Variants in LCA5L observed in about 807,000 individuals in gnomAD.
LCA5L encodes the protein lebercilin LCA5 like, also known as lebercilin-like protein.
In LCA5L, 35 loss-of-function variants were observed where a neutral mutation model predicts 45.4. The observed-to-expected ratio is 0.77, with a 90% CI of 0.59 to 1.02. The LOEUF (loss-of-function observed/expected upper bound fraction) is 1.02, where lower values mean the gene tolerates loss of function less well. Among genes scored for constraint, LCA5L ranks in the 50% least tolerant of loss-of-function variants. LCA5L has a pLI of 0.00. For missense variants in LCA5L, 668 were observed against 761.6 expected (o/e 0.88, Z 1.45); for synonymous variants, 233 against 264.7 (o/e 0.88, Z 1.16).
intron 5 of LCA5L, among the ~76,000 whole-genome samples, chr21:39,424,847 A>G (rs947198904): frequency 5.3e-5 from 8 of 152,214 alleles, no homozygotes; most frequent in Non-Finnish European, 1.2e-4. Flanking sequence ...GTTAGCACCA[A>G]ACTTACCTAA....
At chr21:39,422,923 C>T in intron 6 of LCA5L, 53 bp downstream of exon 6, 1 of 1,533,310 alleles carries the variant, frequency 6.5e-7, no homozygotes, top group East Asian at 2.3e-5. Flanking sequence ...AATTCACACC[C>T]TCTCTCTATT....
In LCA5L at chr21:39,428,509, AAAAG is replaced by A; in HGVS notation, c.-10-10_-10-7del. On this transcript the variant is annotated splice_polypyrimidine_tract_variant and splice_region_variant and intron_variant, in intron 4 of 10. Transcript: ENST00000288350. ...CCAAAGACATAGCAAACAACCTAAT[AAAAG>A]AAAAGTAAAACCTAATAAAAGTATT... The A allele has an allele frequency of 1.4e-6, 2 of 1,465,668 alleles. No homozygotes were observed. The highest frequency in any genetic ancestry group is 1.8e-6 in the Non-Finnish European group (2 of 1,101,508). 90.8% of individuals were successfully genotyped at this position (1,465,668 alleles called of 1,614,324 possible). A position where few individuals can be genotyped will look rare whatever the true frequency, so the allele number is the denominator to read the frequency against.
intron 2 of LCA5L, among the ~76,000 whole-genome samples, chr21:39,441,019 T>C (rs901963396): frequency 5.9e-5 from 9 of 152,250 alleles, no homozygotes; most frequent in Middle Eastern, 3.4e-3. Context: ...ACTCTAAACA[T>C]TGACAAAGGG....
chr21:39,428,054 C>T (rs2075071603), intron 5 of LCA5L, 118 bp downstream of exon 5: 1 of 661,550 alleles, frequency 1.5e-6, no homozygotes, highest in East Asian at 2.6e-5. Context: ...ACCTATAATA[C>T]ACATTTACAA....
At chr21:39,427,955 C>A in intron 5 of LCA5L, 1 of 375,088 alleles carries the variant, frequency 2.7e-6, no homozygotes, top group South Asian at 4.1e-5. Context: ...GTAAGCCATG[C>A]AGGGGGCTAG....
chr21:39,414,448 G>A (rs964609170), intron 7 of LCA5L, among the ~76,000 whole-genome samples: 1 of 152,080 alleles, frequency 6.6e-6, no homozygotes, highest in Non-Finnish European at 1.5e-5. Flanking sequence ...GTAAAGAAAC[G>A]AACTTTTGAC....
At chr21:39,406,996 G>T (rs1289102375) in intron 10 of LCA5L, among the ~76,000 whole-genome samples, 1 of 152,184 alleles carries the variant, frequency 6.6e-6, no homozygotes, top group Non-Finnish European at 1.5e-5. Flanking sequence ...GGAGGCTGAG[G>T]CAGGAGGACT....
intron 8 of LCA5L, chr21:39,410,983 A>AT (rs2040000520): frequency 2.1e-6 from 1 of 468,088 alleles, no homozygotes; most frequent in Non-Finnish European, 4.4e-6. Flanking sequence ...TTGCTGGGAG[A>AT]TTTTGGGGGG....
chr21:39,417,029 G>T (rs1191964652), intron 7 of LCA5L, among the ~76,000 whole-genome samples: 1 of 151,140 alleles, frequency 6.6e-6, no homozygotes, highest in African/African-American at 2.5e-5. Context: ...GATATTTAGG[G>T]ATAGCTTTTT....
At chr21:39,428,654 C>T (rs2147951409) in intron 4 of LCA5L, 151 bp from the exon 5 acceptor site, 1 of 115,778 alleles carries the variant, frequency 8.6e-6, no homozygotes, top group East Asian at 2.8e-4. Context: ...ACTCTGTTGC[C>T]TAGGTTGGAG....
chr21:39,415,376 T>TA (rs2040951663), intron 7 of LCA5L, among the ~76,000 whole-genome samples: 2 of 152,094 alleles, frequency 1.3e-5, no homozygotes, highest in East Asian at 3.9e-4. Flanking sequence ...TTAAAATATA[T>TA]AAAAAAATAA....
intron 2 of LCA5L, chr21:39,443,735 G>A (rs1476340821): frequency 6.6e-6 from 1 of 152,324 alleles, no homozygotes; most frequent in Non-Finnish European, 1.5e-5. Context: ...AGGAGTTTAA[G>A]AGAGTGGCAA....
At chr21:39,412,437 A>T (rs2040251858) in intron 7 of LCA5L, among the ~76,000 whole-genome samples, 1 of 152,256 alleles carries the variant, frequency 6.6e-6, no homozygotes, top group South Asian at 2.1e-4. Context: ...AAGGGTTTTT[A>T]TTAAATATCA....
chr21:39,433,149 G>C (rs147650161), intron 3 of LCA5L, among the ~76,000 whole-genome samples: 5 of 152,168 alleles, frequency 3.3e-5, no homozygotes, highest in African/African-American at 1.2e-4. Context: ...GGGCACGGTG[G>C]CTCATGCCTG....
At position 39,405,797 on chromosome 21, in the gene LCA5L, CCTCT is replaced by C; in HGVS notation, c.*81_*84del. 1 of 1,043,394 alleles carries C rather than the reference CCTCT, an allele frequency of 9.6e-7. No homozygotes were observed. Among genetic ancestry groups the C allele is most frequent in the Non-Finnish European group, 1.3e-6 (1 of 747,158 alleles). The allele number at this position is 1,043,394 out of a possible 1,614,324, so 64.6% of individuals were successfully genotyped here. A position where few individuals can be genotyped will look rare whatever the true frequency, so the allele number is the denominator to read the frequency against. ...CTAAAACACACACATACATACACTC[CCTCT>C]CTCACACATTTCAAAAATAAGATGC... is the stretch of plus-strand genomic sequence containing the variant. On this transcript the variant is annotated 3_prime_UTR_variant, in exon 11 of 11. Coordinates refer to ENST00000288350, the MANE Select transcript of LCA5L (RefSeq NM_152505.4).
At chr21:39,437,453 T>A (rs1044767961) in intron 2 of LCA5L, among the ~76,000 whole-genome samples, 1 of 152,168 alleles carries the variant, frequency 6.6e-6, no homozygotes. Context: ...GGTTACAAAA[T>A]GGCTATAAAA....
At chr21:39,408,492 G>A (rs2039491046) in intron 10 of LCA5L, 1 of 152,374 alleles carries the variant, frequency 6.6e-6, no homozygotes. Context: ...TGAGGAGACA[G>A]ACTAGGACCC....
chr21:39,438,145 T>A (rs1383886141), intron 2 of LCA5L, among the ~76,000 whole-genome samples: 1 of 152,190 alleles, frequency 6.6e-6, no homozygotes, highest in Non-Finnish European at 1.5e-5. Flanking sequence ...AATAGCCTGA[T>A]ACTAATGCTT....
chr21:39,444,008 C>G (rs911498376), intron 2 of LCA5L, 127 bp downstream of exon 2: 1 of 148,128 alleles, frequency 6.8e-6, no homozygotes, highest in African/African-American at 2.6e-5. Context: ...CCAGCCTGGC[C>G]GACAGAGTAA....
Sources: gnomAD v4.1 joint callset for allele counts (sites outside exome capture counted in the v4.1 genomes callset) on GRCh38, gnomAD v4.1.1 for gene constraint, MANE v1.5 for transcripts, NCBI Gene and HGNC (gene_info 2026-07-23, HGNC 2026-07-21) for gene names.